The following MYPN variants were observed in gnomAD, a reference collection of about 807,000 sequenced individuals.
MYPN encodes the protein myopalladin.
Under a neutral mutation model 129.4 loss-of-function variants are expected in MYPN, and 63 were observed. The ratio of observed to expected loss-of-function variants is 0.49; its 90% confidence interval spans 0.40 to 0.60. The LOEUF (loss-of-function observed/expected upper bound fraction) is 0.60, where lower values mean the gene tolerates loss of function less well. MYPN is among the 20% of genes least tolerant of loss of function. MYPN has a pLI of 0.00. For missense variants in MYPN, 1,596 were observed against 1,635.4 expected (o/e 0.98, Z 0.42); for synonymous variants, 629 against 600.9 (o/e 1.05, Z -0.68).
chr10:68,204,870 T>TC (rs955378785), intron 18 of MYPN, among the ~76,000 whole-genome samples: 2 of 151,752 alleles, frequency 1.3e-5, no homozygotes, highest in African/African-American at 4.8e-5. Context: ...TTCTTCCTAG[T>TC]CCCCCCACTT....
At chr10:68,121,317 A>G in intron 1 of MYPN, 121 bp from the exon 2 acceptor site, 1 of 855,980 alleles carries the variant, frequency 1.2e-6, no homozygotes, top group African/African-American at 1.7e-5. Context: ...AAAAGTATTA[A>G]AATTAGGCAA....
rs201245117 is a variant in MYPN, at chr10:68,174,352, A to C, written c.2260A>C (p.Ile754Leu). Reference sequence around the variant, plus strand: ...CACTTTGAGCAGCACTCCTCAAACTATTCAGAGGACAGTGAGCAAAGAAAG... The same window carrying C: ...CACTTTGAGCAGCACTCCTCAAACTCTTCAGAGGACAGTGAGCAAAGAAAG... The part of the protein sequence containing the change: ...VFTLSSTPQT[I>L]QRTVSKESLL... The change falls in exon 11 of 20, where the codon ATT becomes CTT. Residue 754 changes from isoleucine (I) to leucine (L), a missense_variant. Transcript: ENST00000358913. The C allele has an allele frequency of 5.8e-5, 93 of 1,614,096 alleles. No homozygotes were observed. The East Asian group carries it at 1.9e-3, about 33-fold the overall frequency.
At chr10:68,209,183 G>T (rs2043865459) in intron 19 of MYPN, among the ~76,000 whole-genome samples, 1 of 152,186 alleles carries the variant, frequency 6.6e-6, no homozygotes, top group Admixed American at 6.5e-5. Context: ...AAGGTCCCCA[G>T]AAACCTAATC....
intron 12 of MYPN, 117 bp from the exon 13 acceptor site, chr10:68,188,788 T>C: frequency 1.2e-6 from 1 of 849,680 alleles, no homozygotes; most frequent in Non-Finnish European, 1.9e-6. Context: ...CTGGTTCATT[T>C]GGATTTCATG....
At chr10:68,160,813 A>C (rs2042963608) in intron 7 of MYPN, among the ~76,000 whole-genome samples, 2 of 152,318 alleles carry the variant, frequency 1.3e-5, no homozygotes, top group African/African-American at 4.8e-5. Context: ...GCTACGCAGG[A>C]GCCTGAGGTA....
chr10:68,093,835 C>T (rs185615638), intron 1 of MYPN, among the ~76,000 whole-genome samples: 1 of 151,902 alleles, frequency 6.6e-6, no homozygotes, highest in Admixed American at 6.6e-5. Context: ...ACTGAGTATA[C>T]ATATTGTTGC....
At chr10:68,123,520 CA>C (rs56730644) in intron 2 of MYPN, among the ~76,000 whole-genome samples, 10,936 of 118,046 alleles carry the variant, frequency 0.093, 1,037 homozygotes, top group African/African-American at 0.25. Context: ...ACTAAAAATA[CA>C]AAAAAAAAAA....
chr10:68,113,850 A>G (rs2042115466), intron 1 of MYPN, among the ~76,000 whole-genome samples: 1 of 152,238 alleles, frequency 6.6e-6, no homozygotes, highest in Non-Finnish European at 1.5e-5. Context: ...AAATCAAGCT[A>G]ATTAATATAT....
At chr10:68,109,477 T>G, upstream of MYPN, 1 of 454,064 alleles carries the variant, frequency 2.2e-6, no homozygotes, top group Non-Finnish European at 4.4e-6. Flanking sequence ...TCAAAATAAC[T>G]TGGGACCTGT....
At chr10:68,209,546 C>A (rs1325716017) in intron 19 of MYPN, among the ~76,000 whole-genome samples, 1 of 152,026 alleles carries the variant, frequency 6.6e-6, no homozygotes, top group Non-Finnish European at 1.5e-5. Flanking sequence ...TTTGAGGTAC[C>A]CTCTTTGAGA....
At chr10:68,188,534 G>A (rs569612535) in intron 12 of MYPN, among the ~76,000 whole-genome samples, 1 of 152,220 alleles carries the variant, frequency 6.6e-6, no homozygotes, top group Admixed American at 6.5e-5. Context: ...ATGCAGGCAT[G>A]TATCAGAATG....
intron 6 of MYPN, chr10:68,158,252 CCAATCTTAGGT>C (rs981233343): frequency 1.5e-4 from 78 of 504,606 alleles, no homozygotes; most frequent in African/African-American, 1.3e-3. Context: ...TAGAGGAGGA[CCAATCTTAGGT>C]CAAGGGCATA....
At chr10:68,100,615 G>C (rs556152080) in intron 1 of MYPN, among the ~76,000 whole-genome samples, 57 of 152,206 alleles carry the variant, frequency 3.7e-4, no homozygotes, top group African/African-American at 1.3e-3. Context: ...TTGGGCAAAG[G>C]TAGTCAGAAA....
At chr10:68,145,630 G>T in intron 4 of MYPN, 104 bp downstream of exon 4, 1 of 888,056 alleles carries the variant, frequency 1.1e-6, no homozygotes, top group South Asian at 1.4e-5. Flanking sequence ...GTGGCTCCAG[G>T]GTTTGACCAC....
At chr10:68,134,227 A>C (rs2042451772) in intron 2 of MYPN, among the ~76,000 whole-genome samples, 1 of 152,178 alleles carries the variant, frequency 6.6e-6, no homozygotes, top group Non-Finnish European at 1.5e-5. Flanking sequence ...TATTCCAAAT[A>C]CTTGGGATTC....
Position 68,122,269 on chromosome 10 carries a change from C to T in MYPN, c.831C>T (p.Ser277=). ...QPPRFTQKLR[S]REVPEGTRVQ... is the part of the protein sequence containing the mutation. ...CCCGGTTCACTCAAAAGTTACGGAGCAGAGAAGTTCCAGAAGGAACTCGAG... is the reference window on the plus strand; with the variant it reads ...CCCGGTTCACTCAAAAGTTACGGAGTAGAGAAGTTCCAGAAGGAACTCGAG... The change falls in exon 2 of 20, where the codon AGC becomes AGT. Residue 277 remains serine, a synonymous_variant. Coordinates refer to ENST00000358913, the MANE Select transcript of MYPN (RefSeq NM_032578.4). The T allele has an allele frequency of 4.3e-6, 7 of 1,613,904 alleles. No homozygotes were observed. Among genetic ancestry groups the T allele is most frequent in the Non-Finnish European group, 5.9e-6 (7 of 1,179,910 alleles).
intron 1 of MYPN, among the ~76,000 whole-genome samples, chr10:68,095,535 A>T (rs1457565426): frequency 6.6e-6 from 1 of 152,178 alleles, no homozygotes; most frequent in East Asian, 1.9e-4. Context: ...CCACAAACTG[A>T]GTACCTAGAA....
intron 13 of MYPN, among the ~76,000 whole-genome samples, chr10:68,193,639 A>G (rs1426399877): frequency 1.3e-5 from 2 of 152,188 alleles, no homozygotes; most frequent in Admixed American, 6.5e-5. Flanking sequence ...TCTCTGCTCT[A>G]CTTTCATAAA....
At chr10:68,104,823 G>A (rs903569419), upstream of MYPN, among the ~76,000 whole-genome samples, 23 of 151,664 alleles carry the variant, frequency 1.5e-4, no homozygotes, top group Non-Finnish European at 3.1e-4. Context: ...TCACTCTGTC[G>A]CCCAGGCTGG....
Sources: gnomAD v4.1 joint callset for allele counts (sites outside exome capture counted in the v4.1 genomes callset) on GRCh38, gnomAD v4.1.1 for gene constraint, MANE v1.5 for transcripts, NCBI Gene and HGNC (gene_info 2026-07-23, HGNC 2026-07-21) for gene names.